Variants in DOCK3 observed in about 807,000 individuals in gnomAD.
DOCK3 encodes dedicator of cytokinesis protein 3.
In DOCK3, 60 loss-of-function variants were observed where a neutral mutation model predicts 265.6. The observed-to-expected ratio is 0.23, with a 90% CI of 0.18 to 0.28. DOCK3 has a LOEUF of 0.28. DOCK3 is among the 10% of genes least tolerant of loss of function. The pLI is 1.00. For synonymous variants in DOCK3, 881 were observed against 938.0 expected (o/e 0.94, Z 1.11); for missense variants, 1,981 against 2,594.3 (o/e 0.76, Z 5.14).
At chr3:50,708,959 C>A (rs966272827) in intron 1 of DOCK3, among the ~76,000 whole-genome samples, 1 of 152,234 alleles carries the variant, frequency 6.6e-6, no homozygotes, top group African/African-American at 2.4e-5. Context: ...GGTCAGCCAT[C>A]TTGAAGCCCA....
At chr3:51,338,119 C>T (rs1358177476) in intron 35 of DOCK3, among the ~76,000 whole-genome samples, 1 of 152,206 alleles carries the variant, frequency 6.6e-6, no homozygotes, top group Non-Finnish European at 1.5e-5. Flanking sequence ...TAGCTCTGGG[C>T]TCTCTCTGTG....
At chr3:51,252,325 G>A (rs1489251788) in intron 22 of DOCK3, among the ~76,000 whole-genome samples, 1 of 152,212 alleles carries the variant, frequency 6.6e-6, no homozygotes, top group Non-Finnish European at 1.5e-5. Flanking sequence ...TTTTGGCTTA[G>A]AATTGTCTTG....
chr3:51,295,791 G>T (rs1341430430), intron 27 of DOCK3, among the ~76,000 whole-genome samples: 1 of 151,836 alleles, frequency 6.6e-6, no homozygotes, highest in Non-Finnish European at 1.5e-5. Context: ...GGGGGTGGGG[G>T]GTAACCCTTC....
intron 7 of DOCK3, among the ~76,000 whole-genome samples, chr3:51,088,189 AAAAAAC>A (rs1457414071): frequency 3.9e-5 from 6 of 152,270 alleles, no homozygotes; most frequent in East Asian, 1.9e-4. Flanking sequence ...TGTAGGGGCT[AAAAAAC>A]AAAAACAAAA....
intron 2 of DOCK3, among the ~76,000 whole-genome samples, chr3:50,822,951 A>G (rs1361080723): frequency 1.3e-5 from 2 of 152,204 alleles, no homozygotes; most frequent in Non-Finnish European, 2.9e-5. Flanking sequence ...AGCTATAAAG[A>G]CTTCATTTCT....
intron 5 of DOCK3, among the ~76,000 whole-genome samples, chr3:50,973,040 AGT>A (rs2077290225): frequency 8.8e-5 from 2 of 22,606 alleles, no homozygotes; most frequent in Admixed American, 6.2e-4. Context: ...CGTGGCATTC[AGT>A]GTGTTTCTTT....
intron 32 of DOCK3, among the ~76,000 whole-genome samples, chr3:51,328,071 G>A (rs1404609456): frequency 1.3e-5 from 2 of 152,282 alleles, no homozygotes; most frequent in Non-Finnish European, 2.9e-5. Flanking sequence ...CACAACTTGT[G>A]TGCTCCCACC....
chr3:51,291,528 A>G (rs960895724), intron 27 of DOCK3, among the ~76,000 whole-genome samples: 3 of 152,186 alleles, frequency 2.0e-5, no homozygotes, highest in South Asian at 2.1e-4. Flanking sequence ...AGACACGTGT[A>G]TCTACTAAGA....
chr3:50,781,334 C>T (rs2108530064), intron 2 of DOCK3, among the ~76,000 whole-genome samples: 1 of 135,302 alleles, frequency 7.4e-6, no homozygotes, highest in South Asian at 2.4e-4. Context: ...GTGGTGCCAT[C>T]ACAGCTTACT....
At chr3:51,222,818 C>T (rs971402314) in intron 14 of DOCK3, among the ~76,000 whole-genome samples, 2 of 152,138 alleles carry the variant, frequency 1.3e-5, no homozygotes, top group Non-Finnish European at 2.9e-5. Flanking sequence ...TTAATCCTTC[C>T]GTTTTGAAAC....
chr3:50,793,637 C>T (rs1172611600), intron 2 of DOCK3, among the ~76,000 whole-genome samples: 6 of 152,120 alleles, frequency 3.9e-5, no homozygotes, highest in East Asian at 3.9e-4. Flanking sequence ...GGATTACAGG[C>T]GTGAGCCACC....
intron 2 of DOCK3, among the ~76,000 whole-genome samples, chr3:50,801,817 T>C (rs889230340): frequency 6.6e-6 from 1 of 152,202 alleles, no homozygotes; most frequent in African/African-American, 2.4e-5. Flanking sequence ...ACAGCTATTA[T>C]TGTATTTGGA....
intron 12 of DOCK3, among the ~76,000 whole-genome samples, chr3:51,171,553 A>G (rs1173536231): frequency 2.0e-5 from 3 of 151,894 alleles, no homozygotes; most frequent in East Asian, 3.9e-4. Context: ...CGTCTCTACT[A>G]AAAATACAGA....
At chr3:50,684,831 T>G (rs1173410952) in intron 1 of DOCK3, among the ~76,000 whole-genome samples, 3 of 152,222 alleles carry the variant, frequency 2.0e-5, no homozygotes, top group African/African-American at 4.8e-5. Flanking sequence ...CTTTTCTATA[T>G]TGTGAATTCA....
chr3:50,715,880 T>C (rs2107965053), intron 1 of DOCK3, among the ~76,000 whole-genome samples: 1 of 152,296 alleles, frequency 6.6e-6, no homozygotes, highest in South Asian at 2.1e-4. Context: ...ACTTTTGTTA[T>C]GTCTTAGGTT....
At chr3:51,002,484 T>C (rs912916355) in intron 5 of DOCK3, among the ~76,000 whole-genome samples, 2 of 152,242 alleles carry the variant, frequency 1.3e-5, no homozygotes, top group Admixed American at 6.5e-5. Flanking sequence ...ATTATGCTTT[T>C]GATATCATGA....
chr3:50,834,764 A>G (rs2045405435), intron 2 of DOCK3, among the ~76,000 whole-genome samples: 1 of 152,168 alleles, frequency 6.6e-6, no homozygotes, highest in South Asian at 2.1e-4. Context: ...AAAGGCAAAA[A>G]CTAAGAGGGA....
intron 1 of DOCK3, among the ~76,000 whole-genome samples, chr3:50,689,211 A>G (rs931290660): frequency 3.3e-5 from 5 of 152,248 alleles, no homozygotes; most frequent in African/African-American, 1.2e-4. Context: ...GCTGCTTCCC[A>G]GTACCAGCAT....
chr3:51,042,792 A>T (rs2080589260), intron 5 of DOCK3, among the ~76,000 whole-genome samples: 1 of 152,224 alleles, frequency 6.6e-6, no homozygotes, highest in South Asian at 2.1e-4. Flanking sequence ...ATTCCTATAG[A>T]TCAACAGTAG....
Sources: allele counts gnomAD v4.1 joint callset (sites outside exome capture counted in the v4.1 genomes callset), GRCh38; gene constraint gnomAD v4.1.1; transcripts MANE v1.5; gene names NCBI Gene and HGNC (gene_info 2026-07-23, HGNC 2026-07-21).